The following IQCM variants were observed in gnomAD, a reference collection of about 807,000 sequenced individuals.
IQCM encodes the protein IQ domain-containing protein M.
A neutral mutation model predicts 57.6 loss-of-function variants in IQCM; 45 were observed. The ratio of observed to expected loss-of-function variants is 0.78; its 90% CI spans 0.62 to 1.00. The LOEUF (loss-of-function observed/expected upper bound fraction) is 1.00. Ranked by LOEUF, IQCM falls within the 50% of genes least tolerant of loss-of-function variation. The pLI, the probability that IQCM is intolerant of heterozygous loss-of-function variation, is 0.00. For synonymous variants in IQCM, 148 were observed against 158.9 expected (o/e 0.93, Z 0.51); for missense variants, 468 against 511.6 (o/e 0.91, Z 0.82).
At chr4:149,565,830 A>G (rs1304892873) in intron 9 of IQCM, among the ~76,000 whole-genome samples, 1 of 152,150 alleles carries the variant, frequency 6.6e-6, no homozygotes, top group African/African-American at 2.4e-5. Flanking sequence ...TGCAAAACGA[A>G]ATAAATTAGC....
chr4:149,363,887 A>C (rs778398023), intron 13 of IQCM, among the ~76,000 whole-genome samples: 26 of 152,222 alleles, frequency 1.7e-4, no homozygotes, highest in Admixed American at 9.2e-4. Flanking sequence ...AGACAAGTGC[A>C]TTTCAAGAAG....
chr4:149,448,852 C>T (rs1402206875), intron 12 of IQCM, among the ~76,000 whole-genome samples: 1 of 151,654 alleles, frequency 6.6e-6, no homozygotes, highest in Non-Finnish European at 1.5e-5. Context: ...ACAAAAGACA[C>T]CTACATGCCC....
At chr4:149,534,875 T>C (rs1039444254) in intron 12 of IQCM, among the ~76,000 whole-genome samples, 1 of 152,110 alleles carries the variant, frequency 6.6e-6, no homozygotes, top group Non-Finnish European at 1.5e-5. Flanking sequence ...GCTTTTAGCA[T>C]AAACAATTGG....
intron 13 of IQCM, among the ~76,000 whole-genome samples, chr4:149,352,706 T>C (rs1177403442): frequency 1.3e-5 from 2 of 152,232 alleles, no homozygotes; most frequent in Non-Finnish European, 2.9e-5. Context: ...ACAAACAGTA[T>C]TGACTTTTTT....
intron 12 of IQCM, among the ~76,000 whole-genome samples, chr4:149,517,934 C>T (rs1245714364): frequency 6.6e-6 from 1 of 152,118 alleles, no homozygotes; most frequent in East Asian, 1.9e-4. Context: ...TGAGTTAATA[C>T]TACTTAATAA....
At chr4:149,411,579 CCAGA>C (rs984357277) in intron 13 of IQCM, among the ~76,000 whole-genome samples, 232 of 151,834 alleles carry the variant, frequency 1.5e-3, no homozygotes, top group African/African-American at 5.3e-3. Context: ...AATATTTCAC[CCAGA>C]CAAAGAGAAG....
intron 7 of IQCM, among the ~76,000 whole-genome samples, chr4:149,644,834 G>T (rs1208819850): frequency 2.0e-5 from 3 of 152,178 alleles, no homozygotes; most frequent in African/African-American, 7.2e-5. Context: ...TGTGTGAATA[G>T]TACGCAGAGA....
Position 149,553,425 on chromosome 4 carries a change from T to C in IQCM, c.949-138A>G, listed in dbSNP as rs72726130. Reference sequence around the variant, plus strand: ...GTTTATTGCCTAGGTTGGCTAAATATACGCATTGTAGAGTAATATAATCTC... The same window carrying C: ...GTTTATTGCCTAGGTTGGCTAAATACACGCATTGTAGAGTAATATAATCTC... On this transcript the variant is annotated intron_variant, in intron 10 of 13. Transcript: ENST00000636793. 972 of 553,202 alleles carry C rather than the reference T, an allele frequency of 1.8e-3. 2 individuals carry two copies. Among genetic ancestry groups the C allele is most frequent in the Middle Eastern group, 2.6e-3 (5 of 1,908 alleles). The allele number at this position is 553,202 out of a possible 1,614,324, so 34.3% of individuals were successfully genotyped here. A position where few individuals can be genotyped will look rare whatever the true frequency, so the allele number is the denominator to read the frequency against.
intron 13 of IQCM, among the ~76,000 whole-genome samples, chr4:149,399,446 G>A (rs188818429): frequency 3.3e-5 from 5 of 152,060 alleles, no homozygotes; most frequent in Admixed American, 6.6e-5. Context: ...GGAAGGGAGA[G>A]AGTGAAGAAA....
intron 5 of IQCM, among the ~76,000 whole-genome samples, chr4:149,696,062 C>T (rs1763310749): frequency 6.6e-6 from 1 of 152,142 alleles, no homozygotes; most frequent in Non-Finnish European, 1.5e-5. Flanking sequence ...TGTTCAGTTT[C>T]TCCACACTTC....
chr4:149,781,658 G>C (rs529156081), intron 2 of IQCM, among the ~76,000 whole-genome samples: 1 of 152,224 alleles, frequency 6.6e-6, no homozygotes, highest in East Asian at 1.9e-4. Context: ...AAAAAACATG[G>C]TATATATAGG....
intron 11 of IQCM, among the ~76,000 whole-genome samples, chr4:149,549,155 C>T (rs1352397357): frequency 2.0e-5 from 3 of 152,130 alleles, no homozygotes; most frequent in Non-Finnish European, 4.4e-5. Context: ...CCACAGAAAA[C>T]CACTCAGTTG....
chr4:149,418,543 C>T (rs1298726635), intron 13 of IQCM, among the ~76,000 whole-genome samples: 1 of 152,086 alleles, frequency 6.6e-6, no homozygotes, highest in Non-Finnish European at 1.5e-5. Context: ...TCTTCTGAAA[C>T]TACTCCAAAG....
chr4:149,597,576 A>G (rs1753900024), intron 8 of IQCM, among the ~76,000 whole-genome samples: 1 of 152,188 alleles, frequency 6.6e-6, no homozygotes, highest in Admixed American at 6.5e-5. Flanking sequence ...TTTTTAGTAG[A>G]GATGGGGTTT....
intron 2 of IQCM, among the ~76,000 whole-genome samples, chr4:149,757,538 G>A (rs1769095039): frequency 6.6e-6 from 1 of 151,952 alleles, no homozygotes; most frequent in Non-Finnish European, 1.5e-5. Flanking sequence ...TAGCAATAAT[G>A]TTATCAGATA....
chr4:149,491,419 C>T (rs554151773), intron 12 of IQCM, among the ~76,000 whole-genome samples: 1 of 152,060 alleles, frequency 6.6e-6, no homozygotes, highest in South Asian at 2.1e-4. Flanking sequence ...TTGACCAACC[C>T]GCAACCCTCA....
intron 7 of IQCM, among the ~76,000 whole-genome samples, chr4:149,632,767 T>G (rs1168064626): frequency 6.6e-6 from 1 of 152,202 alleles, no homozygotes; most frequent in Non-Finnish European, 1.5e-5. Flanking sequence ...GGTGGGAACT[T>G]CACTAAATCG....
chr4:149,474,540 A>G (rs1204723912), intron 12 of IQCM, among the ~76,000 whole-genome samples: 2 of 129,488 alleles, frequency 1.5e-5, no homozygotes, highest in Admixed American at 8.9e-5. Flanking sequence ...AAACCCCGTC[A>G]CTACTAAAAA....
At chr4:149,592,761 G>T (rs1194830885) in intron 8 of IQCM, among the ~76,000 whole-genome samples, 1 of 152,020 alleles carries the variant, frequency 6.6e-6, no homozygotes, top group African/African-American at 2.4e-5. Context: ...AAGATCAGAT[G>T]GTTGTAGATG....
Sources: gnomAD v4.1 joint callset for allele counts (sites outside exome capture counted in the v4.1 genomes callset) on GRCh38, gnomAD v4.1.1 for gene constraint, MANE v1.5 for transcripts, NCBI Gene and HGNC (gene_info 2026-07-23, HGNC 2026-07-21) for gene names.